DMXL2: variants seen among roughly 807,000 people sequenced by gnomAD.
DMXL2 encodes Dmx like 2, also known as dmX-like protein 2.
In DMXL2, 103 loss-of-function variants were observed where a neutral mutation model predicts 331.1. That is an observed-to-expected ratio of 0.31 (90% CI 0.27 to 0.37). The LOEUF (loss-of-function observed/expected upper bound fraction) is 0.37, where lower values mean the gene tolerates loss of function less well. Ranked by LOEUF, DMXL2 falls within the 10% of genes least tolerant of loss-of-function variation. DMXL2 has a pLI of 1.00. For synonymous variants in DMXL2, 1,281 were observed against 1,252.1 expected, an observed-to-expected ratio of 1.02 and a Z score of -0.49; for missense variants, 3,171 against 3,642.9, an observed-to-expected ratio of 0.87 and a Z score of 3.33.
chr15:51,476,146 C>T lies in DMXL2; in HGVS notation c.6964+443G>A, dbSNP rs76366198. On this transcript the variant is annotated intron_variant, in intron 27 of 43. Transcript: ENST00000560891. ...TGTAGAGAATGAGAAAGAGAGCCAA[C>T]AAGAAAAAAAGGACTGTCAGACAGC... 2.6e-3 allele frequency among the ~76,000 whole-genome samples: 389 copies of T among 151,844 alleles called. 4 individuals are homozygous for T. Among genetic ancestry groups the T allele is most frequent in the African/African-American group, 9.1e-3 (378 of 41,412 alleles).
chr15:51,615,740 C>T (rs1370809752), intron 1 of DMXL2, among the ~76,000 whole-genome samples: 1 of 152,094 alleles, frequency 6.6e-6, no homozygotes, highest in Admixed American at 6.5e-5. Context: ...TGATTAGATC[C>T]TCTTAAGTGT....
At position 51,488,020 on chromosome 15, in the gene DMXL2, T is replaced by A. The variant is rs764013939; in HGVS notation, c.5151A>T (p.Gly1717=). ...CAGCCGATTGTTCAAAGCGTTGTTT[T>A]CCAAGTAAGGAAAAAGCATTTTTCA... ...AALKNAFSLL[G]KQRFEQSAAF... is the part of the protein sequence containing the mutation. Residue 1717 remains glycine (G), a synonymous_variant, in exon 22 of 44, where the codon GGA becomes GGT. Transcript: ENST00000560891. 1.9e-6 allele frequency: 3 copies of A among 1,613,352 alleles called. No homozygotes were observed. The South Asian group carries it at 3.3e-5, about 18-fold the overall frequency.
chr15:51,536,457 A>G lies in DMXL2; in HGVS notation c.2023T>C (p.Leu675=), dbSNP rs1409063572. 8 of 1,614,048 alleles carry G rather than the reference A, an allele frequency of 5.0e-6. No individual in the cohort carries two copies. The South Asian group carries it at 7.7e-5, about 16-fold the overall frequency. The stretch of plus-strand genomic sequence containing the variant: ...CACTGACAATCTAATTCAGGAGTCA[A>G]TAGAGCATTATGATGAGAGGATGTC... The part of the protein sequence containing the change: ...LLTSSHHNAL[L]TPELDCQWDS... Residue 675 remains leucine, a synonymous_variant, in exon 12 of 44, where the codon TTG becomes CTG. Coordinates refer to ENST00000560891, the MANE Select transcript of DMXL2 (RefSeq NM_001378457.1).
chr15:51,449,736 A>G (rs188872436), intron 43 of DMXL2, among the ~76,000 whole-genome samples: 1 of 152,194 alleles, frequency 6.6e-6, no homozygotes, highest in Non-Finnish European at 1.5e-5. Context: ...ATCCCACCAT[A>G]AAGTCAAGGA....
chr15:51,586,783 C>T (rs1382802496), intron 1 of DMXL2, among the ~76,000 whole-genome samples: 1 of 152,010 alleles, frequency 6.6e-6, no homozygotes, highest in Non-Finnish European at 1.5e-5. Context: ...GCAAAATATG[C>T]AATAATTAAT....
intron 24 of DMXL2, 126 bp downstream of exon 24, chr15:51,480,415 TA>T (rs748959493): frequency 3.1e-5 from 38 of 1,207,462 alleles, no homozygotes; most frequent in Non-Finnish European, 4.1e-5. Flanking sequence ...CTGCCTCCTA[TA>T]AAGAGAGGAG....
chr15:51,470,527 G>A (rs555544662), intron 29 of DMXL2, among the ~76,000 whole-genome samples: 1 of 152,194 alleles, frequency 6.6e-6, no homozygotes, highest in Admixed American at 6.5e-5. Context: ...CGGGATCAGC[G>A]CCTCAATAAC....
chr15:51,507,767 A>G (rs1181438525), intron 15 of DMXL2, among the ~76,000 whole-genome samples: 1 of 151,982 alleles, frequency 6.6e-6, no homozygotes, highest in Non-Finnish European at 1.5e-5. Flanking sequence ...AAAAGAAATA[A>G]TAAAATAAAC....
chr15:51,488,370 A>C (rs1462984116), intron 21 of DMXL2, among the ~76,000 whole-genome samples, 178 bp downstream of exon 21: 1 of 152,166 alleles, frequency 6.6e-6, no homozygotes, highest in African/African-American at 2.4e-5. Context: ...AAAACATCCC[A>C]TCCTCTAGAT....
chr15:51,456,284 C>A (rs200088879), intron 38 of DMXL2, 25 bp downstream of exon 38: 19 of 1,596,206 alleles, frequency 1.2e-5, no homozygotes, highest in African/African-American at 2.7e-5. Flanking sequence ...AGGACACTTA[C>A]AATTATTAGG....
intron 31 of DMXL2, among the ~76,000 whole-genome samples, chr15:51,465,206 G>C (rs1298313382): frequency 6.6e-6 from 1 of 151,990 alleles, no homozygotes; most frequent in Non-Finnish European, 1.5e-5. Context: ...GACCAGCCTG[G>C]GTAACATGAT....
chr15:51,622,273 C>T lies in DMXL2; in HGVS notation c.87+186G>A, dbSNP rs534330975. On this transcript the variant is annotated intron_variant, in intron 1 of 43. Transcript: ENST00000560891. ...TTCCCCTAACGGGTGATTTCCTACA[C>T]CAGACGCAGGACCCACGGTCCCACG... 4.6e-5 allele frequency among the ~76,000 whole-genome samples: 7 copies of T among 152,322 alleles called. No individual in the cohort carries two copies. In the South Asian group the frequency reaches 1.4e-3, roughly 32 times the overall value.
At chr15:51,612,944 G>A (rs1374892274) in intron 1 of DMXL2, among the ~76,000 whole-genome samples, 1 of 152,106 alleles carries the variant, frequency 6.6e-6, no homozygotes, top group Non-Finnish European at 1.5e-5. Context: ...TCTTTCTCAG[G>A]GATGTTCCTT....
chr15:51,577,522 A>T (rs2051128741), intron 1 of DMXL2, among the ~76,000 whole-genome samples: 2 of 152,244 alleles, frequency 1.3e-5, no homozygotes, highest in Non-Finnish European at 2.9e-5. Context: ...ACAGGAGGAA[A>T]TGATCACTTA....
In DMXL2 at chr15:51,542,373, G is replaced by A. The variant is rs756197163; in HGVS notation, c.1065C>T (p.Leu355=). ...QRHISHHANA[L]CHFHIAASIN... ...TGCTTGCTGCAATATGAAAATGACA[G>A]AGTGCATTTGCATGGTGGGAAATGT... The change falls in exon 9 of 44, where the codon CTC becomes CTT. Residue 355 remains leucine (L), a synonymous_variant. Coordinates refer to ENST00000560891, the MANE Select transcript of DMXL2 (RefSeq NM_001378457.1). 1 of 1,613,728 alleles carries A rather than the reference G, an allele frequency of 6.2e-7. No homozygotes were observed. The highest frequency in any genetic ancestry group is 1.7e-5 in the Admixed American group (1 of 59,980).
intron 32 of DMXL2, among the ~76,000 whole-genome samples, chr15:51,464,144 T>G (rs1011320898): frequency 6.6e-6 from 1 of 152,256 alleles, no homozygotes; most frequent in East Asian, 1.9e-4. Flanking sequence ...GGCACATGCC[T>G]GTAATCCCAG....
At chr15:51,470,914 G>C (rs1474581694) in intron 29 of DMXL2, among the ~76,000 whole-genome samples, 1 of 152,160 alleles carries the variant, frequency 6.6e-6, no homozygotes, top group Non-Finnish European at 1.5e-5. Context: ...ATAATTAGAA[G>C]AGGGGTGTCT....
Position 51,545,579 on chromosome 15 carries a change from A to G in DMXL2, c.930+4T>C. The G allele has an allele frequency of 1.2e-6, 2 of 1,607,454 alleles. No homozygotes were observed. Among genetic ancestry groups the G allele is most frequent in the South Asian group, 2.2e-5 (2 of 90,408 alleles). ...TTCATTTACCATTTTAAATAATATAATACCTCAAGAGCATGCTGTATTCTG... is the reference window on the plus strand; with the variant it reads ...TTCATTTACCATTTTAAATAATATAGTACCTCAAGAGCATGCTGTATTCTG... On this transcript the variant is annotated splice_donor_region_variant and intron_variant, in intron 8 of 43. Transcript: ENST00000560891.
chr15:51,529,350 C>T (rs1206656560), intron 13 of DMXL2, among the ~76,000 whole-genome samples: 1 of 151,762 alleles, frequency 6.6e-6, no homozygotes, highest in Non-Finnish European at 1.5e-5. Context: ...ACAAAATTGA[C>T]AAGTTTTTTC....
Sources: allele counts gnomAD v4.1 joint callset (sites outside exome capture counted in the v4.1 genomes callset), GRCh38; gene constraint gnomAD v4.1.1; transcripts MANE v1.5; gene names NCBI Gene and HGNC (gene_info 2026-07-23, HGNC 2026-07-21).